The following ANK2 variants were observed in gnomAD, a reference collection of about 807,000 sequenced individuals.
ANK2 encodes ankyrin 2.
ANK2 carries 83 observed loss-of-function variants against 360.5 expected under a neutral mutation model. The ratio of observed to expected loss-of-function variants is 0.23; its 90% CI spans 0.19 to 0.28. The LOEUF (loss-of-function observed/expected upper bound fraction) is 0.28, where lower values mean the gene tolerates loss of function less well. Among genes scored for constraint, ANK2 ranks in the 10% least tolerant of loss-of-function variants. The pLI is 1.00. For synonymous variants in ANK2, 1,740 were observed against 1,759.5 expected (o/e 0.99, Z 0.28); for missense variants, 4,201 against 4,795.7 (o/e 0.88, Z 3.66).
chr4:113,161,848 C>G (rs1005344293), intron 1 of ANK2, among the ~76,000 whole-genome samples: 1 of 152,066 alleles, frequency 6.6e-6, no homozygotes, highest in South Asian at 2.1e-4. Flanking sequence ...GAGGCCCTTC[C>G]TTATTCCTAG....
At chr4:112,983,144 G>A (rs368416345) in intron 2 of ANK2, among the ~76,000 whole-genome samples, 1 of 151,990 alleles carries the variant, frequency 6.6e-6, no homozygotes, top group Non-Finnish European at 1.5e-5. Flanking sequence ...GAAGAAAAAC[G>A]GTCATGCTGA....
chr4:113,191,147 C>T (rs1435679214), intron 2 of ANK2, among the ~76,000 whole-genome samples: 1 of 152,132 alleles, frequency 6.6e-6, no homozygotes, highest in East Asian at 1.9e-4. Flanking sequence ...TGAGACCATC[C>T]TGGCCAACAG....
At chr4:112,761,124 A>T in the ANK2 span, among the ~76,000 whole-genome samples, 2 of 151,624 alleles carry the variant, frequency 1.3e-5, no homozygotes, top group East Asian at 3.9e-4. Context: ...CCTTCTTTAT[A>T]AAGTAAACAC....
intron 1 of ANK2, chr4:112,881,599 G>T: frequency 3.2e-6 from 1 of 317,008 alleles, no homozygotes; most frequent in African/African-American, 2.2e-5. Context: ...TCAACAGCAT[G>T]GGTGCAATAA....
chr4:112,812,243 T>C, the ANK2 span, among the ~76,000 whole-genome samples: 1 of 152,210 alleles, frequency 6.6e-6, no homozygotes, highest in Non-Finnish European at 1.5e-5. Flanking sequence ...CTGAGTATCA[T>C]TAGGACTTTT....
intron 3 of ANK2, among the ~76,000 whole-genome samples, chr4:113,197,095 C>A (rs2107018): frequency 3.9e-5 from 6 of 151,932 alleles, no homozygotes; most frequent in African/African-American, 1.5e-4. Flanking sequence ...AAAATAAACC[C>A]ATGTGGGAAA....
intron 1 of ANK2, among the ~76,000 whole-genome samples, chr4:113,091,119 A>C (rs1053757377): frequency 5.3e-5 from 8 of 152,222 alleles, no homozygotes; most frequent in African/African-American, 1.9e-4. Flanking sequence ...GGTTCTGCCC[A>C]TCTTTGAACC....
chr4:113,223,327 C>T (rs564235773), intron 4 of ANK2, among the ~76,000 whole-genome samples: 1 of 152,254 alleles, frequency 6.6e-6, no homozygotes, highest in African/African-American at 2.4e-5. Context: ...TTGACGTTGA[C>T]CTGCCTGCAA....
chr4:112,828,927 G>C (rs2059057947), intron 1 of ANK2, among the ~76,000 whole-genome samples: 2 of 152,222 alleles, frequency 1.3e-5, no homozygotes, highest in Non-Finnish European at 2.9e-5. Flanking sequence ...ATGGAGTCGG[G>C]TGGATCACTT....
At chr4:113,170,786 C>G (rs999383891) in intron 1 of ANK2, among the ~76,000 whole-genome samples, 5 of 152,120 alleles carry the variant, frequency 3.3e-5, no homozygotes, top group South Asian at 2.1e-4. Context: ...ACATACAGAA[C>G]TGTGTCAAGA....
chr4:113,087,712 A>G (rs2085535249), intron 1 of ANK2, among the ~76,000 whole-genome samples: 1 of 152,090 alleles, frequency 6.6e-6, no homozygotes, highest in Non-Finnish European at 1.5e-5. Context: ...TTTACTTTAA[A>G]AAATGATAGG....
intron 2 of ANK2, among the ~76,000 whole-genome samples, chr4:112,932,382 C>T (rs1008898301): frequency 6.6e-6 from 1 of 151,616 alleles, no homozygotes; most frequent in Admixed American, 6.6e-5. Flanking sequence ...ATCCCAGCTA[C>T]TCAGGAGGCT....
the ANK2 span, among the ~76,000 whole-genome samples, chr4:112,811,363 A>G: frequency 6.6e-6 from 1 of 152,188 alleles, no homozygotes; most frequent in African/African-American, 2.4e-5. Context: ...TTTTGATCTA[A>G]AGTTGTTACT....
At chr4:113,350,204 C>A (rs1161369918) in intron 36 of ANK2, 24 bp from the exon 37 acceptor site, 12 of 1,602,764 alleles carry the variant, frequency 7.5e-6, no homozygotes, top group South Asian at 1.1e-5. Flanking sequence ...TGTAACCATT[C>A]AATTTATGTA....
chr4:113,294,592 T>C (rs898956965), intron 22 of ANK2, among the ~76,000 whole-genome samples: 6 of 152,188 alleles, frequency 3.9e-5, no homozygotes, highest in South Asian at 4.1e-4. Flanking sequence ...TGTTGACATA[T>C]ATTGAAGTGA....
intron 24 of ANK2, among the ~76,000 whole-genome samples, chr4:113,313,205 A>T (rs967852746): frequency 1.3e-5 from 2 of 152,166 alleles, no homozygotes; most frequent in African/African-American, 2.4e-5. Flanking sequence ...AAAGATTTCA[A>T]ATTTGAATAA....
chr4:112,983,110 G>A (rs1184095448), intron 2 of ANK2, among the ~76,000 whole-genome samples: 2 of 152,028 alleles, frequency 1.3e-5, no homozygotes, highest in African/African-American at 4.8e-5. Flanking sequence ...CATCTTTAAA[G>A]CCAAAATTCT....
chr4:112,713,249 G>A, the ANK2 span, among the ~76,000 whole-genome samples: 2 of 152,054 alleles, frequency 1.3e-5, no homozygotes, highest in African/African-American at 4.8e-5. Context: ...CCACTGCCCG[G>A]CCATTCACCA....
intron 1 of ANK2, among the ~76,000 whole-genome samples, chr4:113,055,883 C>T (rs1456703040): frequency 2.0e-5 from 3 of 152,150 alleles, no homozygotes; most frequent in Non-Finnish European, 2.9e-5. Flanking sequence ...TCTAAGATAT[C>T]CTCCTGATTC....
Sources: allele counts gnomAD v4.1 joint callset (sites outside exome capture counted in the v4.1 genomes callset), GRCh38; gene constraint gnomAD v4.1.1; transcripts MANE v1.5; gene names NCBI Gene and HGNC (gene_info 2026-07-23, HGNC 2026-07-21).